Variants in GULP1 observed in about 807,000 individuals in gnomAD.
GULP1 encodes PTB domain-containing engulfment adapter protein 1.
In GULP1, 19 loss-of-function variants were observed where a neutral mutation model predicts 40.9. That is an observed-to-expected ratio of 0.46 (90% CI 0.32 to 0.68). GULP1 has a LOEUF of 0.68. Ranked by LOEUF, GULP1 falls within the 30% of genes least tolerant of loss-of-function variation. GULP1 has a pLI of 0.03. For synonymous variants in GULP1, 119 were observed against 117.6 expected (o/e 1.01, Z -0.08); for missense variants, 312 against 362.2 (o/e 0.86, Z 1.12).
At chr2:188,469,841 A>G (rs548890420) in intron 2 of GULP1, among the ~76,000 whole-genome samples, 2 of 152,236 alleles carry the variant, frequency 1.3e-5, no homozygotes, top group Admixed American at 6.5e-5. Context: ...ATCTGTTTGT[A>G]TGATGCAGCA....
intron 2 of GULP1, among the ~76,000 whole-genome samples, chr2:188,406,213 C>G (rs1252002570): frequency 6.6e-6 from 1 of 152,114 alleles, no homozygotes. Context: ...CCTATTGCTC[C>G]TAGGCTACAA....
At chr2:188,539,395 CA>C (rs201514814) in intron 6 of GULP1, among the ~76,000 whole-genome samples, 56 of 148,950 alleles carry the variant, frequency 3.8e-4, no homozygotes, top group South Asian at 6.4e-4. Context: ...GTCATTAAAA[CA>C]AAAAAAAATC....
In GULP1 at chr2:188,584,420, A is replaced by G; in HGVS notation, c.748+17A>G. ...CTGAGATTAGTAAGCTTTCTCAACA[A>G]ATCAAAGTTTCTTGTTATAGTTGCA... On this transcript the variant is annotated intron_variant, in intron 10 of 11. Transcript: ENST00000409830. The G allele has an allele frequency of 6.6e-7, 1 of 1,504,976 alleles. No homozygotes were observed. Among genetic ancestry groups the G allele is most frequent in the Non-Finnish European group, 9.0e-7 (1 of 1,105,266 alleles). 93.2% of individuals were successfully genotyped at this position (1,504,976 alleles called of 1,614,324 possible).
At chr2:188,352,162 T>G (rs1212237957) in intron 1 of GULP1, among the ~76,000 whole-genome samples, 2 of 152,138 alleles carry the variant, frequency 1.3e-5, no homozygotes, top group East Asian at 3.9e-4. Context: ...AGACATTTGG[T>G]CAAATGTTAT....
Position 188,318,189 on chromosome 2 carries a change from G to A in GULP1, c.-172+26023G>A, listed in dbSNP as rs569137132. 5.3e-5 allele frequency among the ~76,000 whole-genome samples: 8 copies of A among 152,224 alleles called. No individual in the cohort carries two copies. The East Asian group carries it at 1.4e-3, about 26-fold the overall frequency. On this transcript the variant is annotated intron_variant, in intron 1 of 11. Coordinates refer to ENST00000409830, the MANE Select transcript of GULP1 (RefSeq NM_016315.4). Reference sequence around the variant, plus strand: ...GTTCAGAATTAAATAAAGCAGAATGGAGAAAATGCAAAGCATTTTTTTGAC... The same window carrying A: ...GTTCAGAATTAAATAAAGCAGAATGAAGAAAATGCAAAGCATTTTTTTGAC...
intron 2 of GULP1, among the ~76,000 whole-genome samples, chr2:188,415,696 G>C (rs187796164): frequency 2.6e-5 from 4 of 152,214 alleles, no homozygotes; most frequent in Non-Finnish European, 5.9e-5. Flanking sequence ...TTTTCTGATT[G>C]TAAGTCCATC....
In GULP1 at chr2:188,529,141, A is replaced by G. The variant is rs1308997285; in HGVS notation, c.207A>G (p.Lys69=). 2 of 1,590,466 alleles carry G rather than the reference A, an allele frequency of 1.3e-6. No individual in the cohort carries two copies. The highest frequency in any genetic ancestry group is 2.7e-5 in the African/African-American group (2 of 74,252). ...AATCTGAAGGCCAGAAAATTCCTAA[A>G]GTGGAGTTGCAAATATCAATTTATG... ...IKKSEGQKIP[K]VELQISIYGV... The change falls in exon 6 of 12, where the codon AAA becomes AAG. Residue 69 remains lysine, a synonymous_variant. Coordinates refer to ENST00000409830, the MANE Select transcript of GULP1 (RefSeq NM_016315.4).
chr2:188,542,678 T>TCA (rs1690853755), intron 7 of GULP1, among the ~76,000 whole-genome samples: 1 of 152,112 alleles, frequency 6.6e-6, no homozygotes, highest in Non-Finnish European at 1.5e-5. Flanking sequence ...CAATAAGACA[T>TCA]TTTATATAGC....
chr2:188,403,720 C>T (rs755518751), intron 2 of GULP1, among the ~76,000 whole-genome samples: 1 of 152,116 alleles, frequency 6.6e-6, no homozygotes, highest in East Asian at 1.9e-4. Flanking sequence ...GGCTGTGGCA[C>T]TAAGTCTGTA....
At chr2:188,441,724 CA>C (rs1437140770) in intron 2 of GULP1, among the ~76,000 whole-genome samples, 1 of 152,132 alleles carries the variant, frequency 6.6e-6, no homozygotes, top group African/African-American at 2.4e-5. Flanking sequence ...AGCCCAGGCC[CA>C]GGGAGGTCCA....
At position 188,307,921 on chromosome 2, in the gene GULP1, A is replaced by C. The variant is rs559661735; in HGVS notation, c.-172+15755A>C. ...ATTGATAACATCTAAACAGAAAATT[A>C]GTAATAAGAGAAACATTAATCATTT... is the stretch of plus-strand genomic sequence containing the variant. On this transcript the variant is annotated intron_variant, in intron 1 of 11. Coordinates refer to ENST00000409830, the MANE Select transcript of GULP1 (RefSeq NM_016315.4). 1.3e-5 allele frequency among the ~76,000 whole-genome samples: 2 copies of C among 152,358 alleles called. 1 individual carries two copies. The highest frequency in any genetic ancestry group is 4.8e-5 in the African/African-American group (2 of 41,588).
chr2:188,304,008 C>A (rs1269727976), intron 1 of GULP1, among the ~76,000 whole-genome samples: 4 of 152,056 alleles, frequency 2.6e-5, no homozygotes, highest in African/African-American at 9.7e-5. Context: ...CCTCTGGCGA[C>A]CTTTGCTTGT....
intron 2 of GULP1, among the ~76,000 whole-genome samples, chr2:188,420,744 T>C (rs1461985754): frequency 1.4e-4 from 21 of 152,164 alleles, no homozygotes; most frequent in Admixed American, 1.4e-3. Context: ...ATGGGTGGGC[T>C]GGGAAAAGGC....
intron 3 of GULP1, among the ~76,000 whole-genome samples, chr2:188,480,088 T>G (rs533788178): frequency 6.6e-6 from 1 of 152,120 alleles, no homozygotes. Flanking sequence ...TTTGGTGAAG[T>G]TGTTAAAGAA....
chr2:188,300,637 T>C (rs377553333), intron 1 of GULP1, among the ~76,000 whole-genome samples: 68 of 152,206 alleles, frequency 4.5e-4, no homozygotes, highest in African/African-American at 1.6e-3. Context: ...TTGACCATTC[T>C]GTGAGATACA....
At chr2:188,501,767 T>C (rs2063458279) in intron 4 of GULP1, among the ~76,000 whole-genome samples, 1 of 151,990 alleles carries the variant, frequency 6.6e-6, no homozygotes, top group South Asian at 2.1e-4. Context: ...AGGATGCCCC[T>C]GTGTCTCACC....
chr2:188,563,480 C>T (rs1696841764), intron 7 of GULP1, among the ~76,000 whole-genome samples: 1 of 149,910 alleles, frequency 6.7e-6, no homozygotes, highest in Non-Finnish European at 1.5e-5. Context: ...TATAAAATTA[C>T]ATACAAATAT....
At chr2:188,562,170 G>T (rs1696474575) in intron 7 of GULP1, among the ~76,000 whole-genome samples, 2 of 152,190 alleles carry the variant, frequency 1.3e-5, no homozygotes, top group Admixed American at 1.3e-4. Flanking sequence ...TCTCAGAAAT[G>T]ATGTGGGACC....
chr2:188,511,132 G>T (rs1306547565), intron 4 of GULP1, among the ~76,000 whole-genome samples: 1 of 152,172 alleles, frequency 6.6e-6, no homozygotes, highest in Non-Finnish European at 1.5e-5. Flanking sequence ...GAGTGAAACA[G>T]TGGAATCAGT....
Sources: gnomAD v4.1 joint callset for allele counts (sites outside exome capture counted in the v4.1 genomes callset) on GRCh38, gnomAD v4.1.1 for gene constraint, MANE v1.5 for transcripts, NCBI Gene and HGNC (gene_info 2026-07-23, HGNC 2026-07-21) for gene names.